Variants in ZFP14 observed in about 807,000 individuals in gnomAD.
ZFP14 encodes the protein ZFP14 zinc finger protein, also known as zinc finger protein 14 homolog.
Under a neutral mutation model 54.5 loss-of-function variants are expected in ZFP14, and 22 were observed. The ratio of observed to expected loss-of-function variants is 0.40; its 90% CI spans 0.29 to 0.58. ZFP14 has a LOEUF of 0.58. Ranked by LOEUF, ZFP14 falls within the 20% of genes least tolerant of loss-of-function variation. The probability of loss-of-function intolerance (pLI) is 0.39; values close to 1 mark genes in which losing one functional copy is unlikely to be tolerated. For missense variants in ZFP14, 470 were observed against 637.8 expected, an observed-to-expected ratio of 0.74 and a Z score of 2.83; for synonymous variants, 159 against 204.0, an observed-to-expected ratio of 0.78 and a Z score of 1.88.
intron 2 of ZFP14, among the ~76,000 whole-genome samples, chr19:36,364,598 AG>A (rs1313676528): frequency 6.6e-6 from 1 of 152,136 alleles, no homozygotes; most frequent in Non-Finnish European, 1.5e-5. Context: ...AAAGTTGTCA[AG>A]GCACACATGA....
intron 4 of ZFP14, among the ~76,000 whole-genome samples, chr19:36,348,303 T>C (rs1600069976): frequency 6.6e-6 from 1 of 152,226 alleles, no homozygotes; most frequent in South Asian, 2.1e-4. Context: ...TCGATACTTC[T>C]GTTTGAGGTG....
rs910713872 is a variant in ZFP14, at chr19:36,338,964, C to T, written c.*1260G>A. On this transcript the variant is annotated 3_prime_UTR_variant, in exon 5 of 5. Coordinates refer to ENST00000270001, the MANE Select transcript of ZFP14 (RefSeq NM_020917.3). ...GTGGTCAGACAACAGGGATTGTAAGCCTTTTGCTTTCTGGAATTATGGGAA... is the reference window on the plus strand; with the variant it reads ...GTGGTCAGACAACAGGGATTGTAAGTCTTTTGCTTTCTGGAATTATGGGAA... The T allele has an allele frequency of 3.3e-5, 5 of 152,134 alleles. No homozygotes were observed. Among genetic ancestry groups the T allele is most frequent in the Non-Finnish European group, 7.4e-5 (5 of 68,026 alleles). 9.4% of individuals were successfully genotyped at this position (152,134 alleles called of 1,614,324 possible). A position where few individuals can be genotyped will look rare whatever the true frequency, so the allele number is the denominator to read the frequency against.
chr19:36,373,783 T>G (rs1160351867), intron 1 of ZFP14, among the ~76,000 whole-genome samples: 1 of 150,566 alleles, frequency 6.6e-6, no homozygotes, highest in Non-Finnish European at 1.5e-5. Flanking sequence ...CATGGTAGCG[T>G]GCACCTGTAG....
intron 2 of ZFP14, among the ~76,000 whole-genome samples, chr19:36,366,124 T>C (rs2031790555): frequency 6.6e-6 from 1 of 151,148 alleles, no homozygotes; most frequent in Admixed American, 6.6e-5. Context: ...AAAAAATAGC[T>C]GGGAGTGGTG....
intron 1 of ZFP14, among the ~76,000 whole-genome samples, chr19:36,375,647 T>A (rs2031949651): frequency 6.7e-6 from 1 of 149,426 alleles, no homozygotes; most frequent in Non-Finnish European, 1.5e-5. Flanking sequence ...AAGCTCCGCC[T>A]CCCGGGTTCA....
chr19:36,368,005 G>A, intron 1 of ZFP14, 34 bp from the exon 2 acceptor site: 8 of 1,231,616 alleles, frequency 6.5e-6, no homozygotes, highest in Non-Finnish European at 8.9e-6. Context: ...GAAATAAGCT[G>A]CGCCACAGAG....
In ZFP14 at chr19:36,336,109, CTA is replaced by C. The variant is rs2031189779; in HGVS notation, c.*4113_*4114del. 6.6e-6 allele frequency: 1 copy of C among 151,982 alleles called. No individual in the cohort carries two copies. The highest frequency in any genetic ancestry group is 1.5e-5 in the Non-Finnish European group (1 of 68,012). 9.4% of individuals were successfully genotyped at this position (151,982 alleles called of 1,614,324 possible). On this transcript the variant is annotated 3_prime_UTR_variant, in exon 5 of 5. Coordinates refer to ENST00000270001, the MANE Select transcript of ZFP14 (RefSeq NM_020917.3). ...TGTCTCTTTTATCATCATTAATACT[CTA>C]AATGTATTATCTTTCATTTTCTCTT...
intron 4 of ZFP14, among the ~76,000 whole-genome samples, chr19:36,359,300 T>C (rs934778468): frequency 1.3e-5 from 2 of 152,214 alleles, no homozygotes; most frequent in African/African-American, 4.8e-5. Flanking sequence ...TATCTATGTA[T>C]GGAAAAGATG....
At chr19:36,356,307 A>G (rs2031612349) in intron 4 of ZFP14, among the ~76,000 whole-genome samples, 1 of 151,988 alleles carries the variant, frequency 6.6e-6, no homozygotes, top group Non-Finnish European at 1.5e-5. Flanking sequence ...GCATGCCTAT[A>G]ATCTCAGCTA....
intron 4 of ZFP14, among the ~76,000 whole-genome samples, chr19:36,343,985 ACT>A (rs2031369035): frequency 1.3e-5 from 2 of 149,784 alleles, no homozygotes; most frequent in Non-Finnish European, 3.0e-5. Context: ...TTCAAACCAC[ACT>A]CTCTTAGCAC....
At chr19:36,371,079 G>A (rs990632144) in intron 1 of ZFP14, among the ~76,000 whole-genome samples, 3 of 152,054 alleles carry the variant, frequency 2.0e-5, no homozygotes, top group Admixed American at 6.6e-5. Flanking sequence ...TGGCTAACAC[G>A]GTGAAACCCC....
Position 36,337,972 on chromosome 19 carries a change from G to T in ZFP14, c.*2252C>A, listed in dbSNP as rs988134091. ...CCTCTAATTCCTTCTAGATTTATTAGACTTCTTCAAAAAAGAAAAACCCAT... is the reference window on the plus strand; with the variant it reads ...CCTCTAATTCCTTCTAGATTTATTATACTTCTTCAAAAAAGAAAAACCCAT... On this transcript the variant is annotated 3_prime_UTR_variant, in exon 5 of 5. Transcript: ENST00000270001. 3 of 151,966 alleles carry T rather than the reference G, an allele frequency of 2.0e-5. No homozygotes were observed. Among genetic ancestry groups the T allele is most frequent in the Admixed American group, 2.0e-4 (3 of 15,248 alleles). 9.4% of individuals were successfully genotyped at this position (151,966 alleles called of 1,614,324 possible).
At chr19:36,349,703 T>TATAATATATAC (rs2031492473) in intron 4 of ZFP14, among the ~76,000 whole-genome samples, 1 of 146,740 alleles carries the variant, frequency 6.8e-6, no homozygotes, top group African/African-American at 2.5e-5. Context: ...ATAATATATA[T>TATAATATATAC]ATAATATATA....
chr19:36,370,107 T>G (rs1421265156), intron 1 of ZFP14, among the ~76,000 whole-genome samples: 1 of 152,168 alleles, frequency 6.6e-6, no homozygotes, highest in Non-Finnish European at 1.5e-5. Context: ...TCAACAAAAA[T>G]GCCTTCACAA....
rs1555755935 is a variant in ZFP14 at position 36,363,189 on chromosome 19, C to CTTTTCTTTT, written c.10-952_10-951insAAAAGAAAA. Among the ~76,000 whole-genome samples the CTTTTCTTTT allele has an allele frequency of 1.1e-3, 109 of 97,754 alleles. 2 individuals carry two copies. The highest frequency in any genetic ancestry group is 1.7e-3 in the Non-Finnish European group (86 of 49,458). 64.1% of individuals were successfully genotyped at this position (97,754 alleles called of 152,430 possible). A position where few individuals can be genotyped will look rare whatever the true frequency, so the allele number is the denominator to read the frequency against. On this transcript the variant is annotated intron_variant, in intron 2 of 4. Transcript: ENST00000270001. ...ATTATCAATCATATTCTTTTCTTTT[C>CTTTTCTTTT]TTTTTTTTTTTTTTTTTTTTTTGAG... is the stretch of plus-strand genomic sequence containing the variant.
rs936014149 is a variant in ZFP14 at position 36,334,482 on chromosome 19, C to G, written c.*5742G>C. ...ATTCAATATAGCATCTTTATTACCA[C>G]AGAAACTCATTTATGTCCTTAATCA... On this transcript the variant is annotated 3_prime_UTR_variant, in exon 5 of 5. Transcript: ENST00000270001. The G allele has an allele frequency of 5.3e-5, 8 of 152,152 alleles. No homozygotes were observed. The highest frequency in any genetic ancestry group is 1.9e-4 in the African/African-American group (8 of 41,432). 9.4% of individuals were successfully genotyped at this position (152,152 alleles called of 1,614,324 possible). A position where few individuals can be genotyped will look rare whatever the true frequency, so the allele number is the denominator to read the frequency against.
chr19:36,375,994 G>A (rs1297871352), intron 1 of ZFP14, among the ~76,000 whole-genome samples: 2 of 151,404 alleles, frequency 1.3e-5, no homozygotes, highest in Non-Finnish European at 2.9e-5. Flanking sequence ...CGCCCGGCCA[G>A]ATTTTTTTTT....
chr19:36,349,256 A>AC (rs1568467192), intron 4 of ZFP14, among the ~76,000 whole-genome samples: 1 of 64,624 alleles, frequency 1.5e-5, no homozygotes, highest in East Asian at 3.4e-4. Context: ...AAAAAAAAAA[A>AC]CAAAAAAAAA....
At chr19:36,356,657 T>C (rs182186158) in intron 4 of ZFP14, among the ~76,000 whole-genome samples, 198 of 152,266 alleles carry the variant, frequency 1.3e-3, no homozygotes, top group Admixed American at 3.3e-3. Flanking sequence ...CCTACATCCC[T>C]ACCCTTGGAA....
Sources: gnomAD v4.1 joint callset for allele counts (sites outside exome capture counted in the v4.1 genomes callset) on GRCh38, gnomAD v4.1.1 for gene constraint, MANE v1.5 for transcripts, NCBI Gene and HGNC (gene_info 2026-07-23, HGNC 2026-07-21) for gene names.